The following PRSS36 variants were observed in gnomAD, a reference collection of about 807,000 sequenced individuals.
PRSS36 encodes the protein serine protease 36.
In PRSS36, 90 loss-of-function variants were observed where a neutral mutation model predicts 94.3. The observed-to-expected ratio is 0.95, with a 90% confidence interval of 0.80 to 1.14. The LOEUF is 1.14. Ranked by LOEUF, PRSS36 falls within the 50% of genes most tolerant of loss-of-function variation. The pLI is 0.00. For missense variants in PRSS36, 1,158 were observed against 1,135.0 expected, an observed-to-expected ratio of 1.02 and a Z score of -0.29; for synonymous variants, 500 against 489.6, an observed-to-expected ratio of 1.02 and a Z score of -0.28.
Position 31,140,764 on chromosome 16 carries a change from GAAC to G in PRSS36, c.1902-10_1902-8del, listed in dbSNP as rs1218260484. On this transcript the variant is annotated splice_region_variant and splice_polypyrimidine_tract_variant and intron_variant, in intron 12 of 14. Transcript: ENST00000268281. Reference sequence around the variant, plus strand: ...CACTGTTGTAGAGCCTGGCCTGTTGGAACAAGGTCCAATGTCACCTTCTGCTCC... The same window carrying G: ...CACTGTTGTAGAGCCTGGCCTGTTGGAAGGTCCAATGTCACCTTCTGCTCC... The G allele has an allele frequency of 6.2e-7, 1 of 1,613,284 alleles. No individual in the cohort carries two copies. Among genetic ancestry groups the G allele is most frequent in the African/African-American group, 1.3e-5 (1 of 74,896 alleles).
chr16:31,148,651 G>A lies in PRSS36; in HGVS notation c.297C>T (p.Ala99=), dbSNP rs1370483641. Residue 99 remains alanine (A), a synonymous_variant, in exon 5 of 15, where the codon GCC becomes GCT. Transcript: ENST00000268281. ...FMTNGTLEPA[A]EWSVLLGVHS... is the part of the protein sequence containing the mutation. ...GCACGCCCAGCAGTACCGACCACTC[G>A]GCCGCGGGCTCCAGCGTCCCATTCC... 6.2e-7 allele frequency: 1 copy of A among 1,612,530 alleles called. No homozygotes were observed.
At position 31,139,381 on chromosome 16, in the gene PRSS36, C is replaced by A. The variant is rs373502698; in HGVS notation, c.2325G>T (p.Thr775=). 3.1e-6 allele frequency: 5 copies of A among 1,613,966 alleles called. No individual in the cohort carries two copies. The highest frequency in any genetic ancestry group is 4.2e-6 in the Non-Finnish European group (5 of 1,179,998). The change falls in exon 15 of 15, where the codon ACG becomes ACT. Residue 775 remains threonine, a synonymous_variant. Coordinates refer to ENST00000268281, the MANE Select transcript of PRSS36 (RefSeq NM_173502.5). The stretch of plus-strand genomic sequence containing the variant: ...TGCCCACGAGGATCCAGGACCCTTC[C>A]GTCATCTGGCACAGGAGGGGCGGTG... ...TSAPPLLCQM[T]EGSWILVGMA...
At position 31,139,494 on chromosome 16, in the gene PRSS36, A is replaced by AC. The variant is rs918906387; in HGVS notation, c.2290-79dup. 4.6e-6 allele frequency: 7 copies of AC among 1,522,220 alleles called. No individual in the cohort carries two copies. The African/African-American group carries it at 6.9e-5, about 15-fold the overall frequency. 94.3% of individuals were successfully genotyped at this position (1,522,220 alleles called of 1,614,324 possible). ...CTCCCCCTTTCCCCAGGGTCTGGCC[A>AC]CGAAGCACTCTGGTCTGCATCCCTA... On this transcript the variant is annotated intron_variant, in intron 14 of 14. Transcript: ENST00000268281.
intron 14 of PRSS36, 120 bp from the exon 15 acceptor site, chr16:31,139,536 G>A (rs2057648342): frequency 4.0e-6 from 5 of 1,238,640 alleles, no homozygotes; most frequent in Middle Eastern, 2.7e-4. Flanking sequence ...CAGGTCCCTG[G>A]TTTCTCTCCC....
Position 31,147,589 on chromosome 16 carries a change from A to G in PRSS36, c.553+806T>C, listed in dbSNP as rs115018764. Among the ~76,000 whole-genome samples, 340 of 152,278 alleles carry G rather than the reference A, an allele frequency of 2.2e-3. 2 individuals are homozygous for G. Among genetic ancestry groups the G allele is most frequent in the African/African-American group, 7.8e-3 (324 of 41,552 alleles). The stretch of plus-strand genomic sequence containing the variant: ...GGTCTATTCCCCCCCACCTTCTAAC[A>G]TAATGCGTGCTTATTTATTGAATTT... On this transcript the variant is annotated intron_variant, in intron 5 of 14. Transcript: ENST00000268281.
rs372126951 is a variant in PRSS36, at chr16:31,149,943, C to T, written c.37+56G>A. 84 of 1,593,080 alleles carry T rather than the reference C, an allele frequency of 5.3e-5. 1 individual carries two copies. Among genetic ancestry groups the T allele is most frequent in the Non-Finnish European group, 6.8e-5 (79 of 1,165,266 alleles). ...AGAAACCAGGAATCCTGCTCTCCAGCCCCCCAGATGCCAGGACCCAGGCCC... is the reference window on the plus strand; with the variant it reads ...AGAAACCAGGAATCCTGCTCTCCAGTCCCCCAGATGCCAGGACCCAGGCCC... On this transcript the variant is annotated intron_variant, in intron 1 of 14. Coordinates refer to ENST00000268281, the MANE Select transcript of PRSS36 (RefSeq NM_173502.5).
At position 31,141,883 on chromosome 16, in the gene PRSS36, G is replaced by A. The variant is rs1029483726; in HGVS notation, c.1599C>T (p.Gly533=). Residue 533 remains glycine (G), a synonymous_variant, in exon 11 of 15, where the codon GGC becomes GGT. Coordinates refer to ENST00000268281, the MANE Select transcript of PRSS36 (RefSeq NM_173502.5). ...FLAGIRDFPS[G]CLRPRAFFPL... The stretch of plus-strand genomic sequence containing the variant: ...GGAAGAAGGCTCGGGGACGTAGACA[G>A]CCACTGGGAAAGTCTCTGATTCCAG... 6.2e-7 allele frequency: 1 copy of A among 1,614,048 alleles called. No individual in the cohort carries two copies. The highest frequency in any genetic ancestry group is 1.3e-5 in the African/African-American group (1 of 74,920).
Position 31,139,261 on chromosome 16 carries a change from G to C in PRSS36, c.2445C>G (p.Pro815=). 1 of 1,614,134 alleles carries C rather than the reference G, an allele frequency of 6.2e-7. No homozygotes were observed. The highest frequency in any genetic ancestry group is 8.5e-7 in the Non-Finnish European group (1 of 1,179,992). ...QTVGEANFLP[P]SGSPHWPTGG... is the part of the protein sequence containing the mutation. ...CAGTGGGCCAGTGTGGGGAGCCACT[G>C]GGGGGCAGGAAGTTGGCCTCTCCCA... Residue 815 remains proline (P), a synonymous_variant, in exon 15 of 15, where the codon CCC becomes CCG. Coordinates refer to ENST00000268281, the MANE Select transcript of PRSS36 (RefSeq NM_173502.5).
At chr16:31,147,716 T>C (rs1349871980) in intron 5 of PRSS36, among the ~76,000 whole-genome samples, 1 of 152,066 alleles carries the variant, frequency 6.6e-6, no homozygotes, top group Non-Finnish European at 1.5e-5. Context: ...GCCTGGCATG[T>C]AGAAGGTGCT....
intron 1 of PRSS36, 22 bp downstream of exon 1, chr16:31,149,977 C>T: frequency 6.2e-7 from 1 of 1,613,044 alleles, no homozygotes; most frequent in Non-Finnish European, 8.5e-7. Context: ...CCTTTGCAGC[C>T]ACTCTTGTCC....
At chr16:31,149,272 G>T (rs1430280987) in intron 3 of PRSS36, 37 bp from the exon 4 acceptor site, 1 of 1,527,164 alleles carries the variant, frequency 6.5e-7, no homozygotes, top group Admixed American at 2.1e-5. Context: ...AGCTCCCCTC[G>T]GGTTCCCCAC....
intron 6 of PRSS36, among the ~76,000 whole-genome samples, chr16:31,145,425 A>G (rs1426993634): frequency 6.6e-6 from 1 of 151,352 alleles, no homozygotes; most frequent in Non-Finnish European, 1.5e-5. Flanking sequence ...AATTAAATAA[A>G]TAAATAAATA....
intron 3 of PRSS36, 104 bp from the exon 4 acceptor site, chr16:31,149,339 C>G: frequency 6.6e-7 from 1 of 1,522,164 alleles, no homozygotes; most frequent in Non-Finnish European, 8.9e-7. Flanking sequence ...TTCAGTTTGC[C>G]CCTCTGAACA....
chr16:31,142,126 A>C (rs1567445979), intron 10 of PRSS36, among the ~76,000 whole-genome samples, 166 bp from the exon 11 acceptor site: 1 of 152,152 alleles, frequency 6.6e-6, no homozygotes, highest in Non-Finnish European at 1.5e-5. Context: ...TTCAGCCCTC[A>C]CTTTAAGATT....
intron 4 of PRSS36, 114 bp downstream of exon 4, chr16:31,148,959 A>G (rs2057849262): frequency 1.6e-6 from 2 of 1,239,606 alleles, no homozygotes; most frequent in Non-Finnish European, 1.1e-6. Flanking sequence ...CTTTGGGGAC[A>G]GCTTGGCTCC....
intron 5 of PRSS36, among the ~76,000 whole-genome samples, chr16:31,147,234 T>C (rs2057811372): frequency 6.6e-6 from 1 of 152,112 alleles, no homozygotes; most frequent in Admixed American, 6.6e-5. Context: ...ATGACTTATC[T>C]GGGTCCACAG....
chr16:31,148,572 C>T lies in PRSS36; in HGVS notation c.376G>A (p.Val126Met), dbSNP rs1328790557. The T allele has an allele frequency of 6.2e-7, 1 of 1,609,054 alleles. No homozygotes were observed. The highest frequency in any genetic ancestry group is 8.5e-7 in the Non-Finnish European group (1 of 1,178,494). ...ACTTGGCTGTAGTTGGCCGGCACCA[C>T]GATGGCGGCCACTGCGCGGGTGTGC... is the stretch of plus-strand genomic sequence containing the variant. The part of the protein sequence containing the change: ...GAHTRAVAAI[V>M]VPANYSQVEL... Residue 126 changes from valine to methionine, a missense_variant, in exon 5 of 15, where the codon GTG becomes ATG. By Grantham distance (21) the Val-to-Met change is conservative. Coordinates refer to ENST00000268281, the MANE Select transcript of PRSS36 (RefSeq NM_173502.5).
rs1250220278 is a variant in PRSS36 at position 31,148,410 on chromosome 16, C to T, written c.538G>A (p.Asp180Asn). 6.4e-6 allele frequency: 10 copies of T among 1,569,562 alleles called. No individual in the cohort carries two copies. The highest frequency in any genetic ancestry group is 2.2e-4 in the Middle Eastern group (1 of 4,482). Reference protein sequence around the residue: ...GTACWATGWGDVQEADPLPLP... With the variant: ...GTACWATGWGNVQEADPLPLP... ...TCCCACTCACCTGCCTCCTGGACGT[C>T]TCCCCAGCCGGTGGCCCAGCAGGCG... Residue 180 changes from aspartate (D) to asparagine (N), a missense_variant, in exon 5 of 15, where the codon GAC becomes AAC. By Grantham distance (23) the Asp-to-Asn change is conservative (BLOSUM62 1). Coordinates refer to ENST00000268281, the MANE Select transcript of PRSS36 (RefSeq NM_173502.5).
chr16:31,144,816 G>T (rs988365273), intron 6 of PRSS36, among the ~76,000 whole-genome samples: 7 of 152,164 alleles, frequency 4.6e-5, no homozygotes, highest in Non-Finnish European at 1.0e-4. Flanking sequence ...AGCTGGGCAT[G>T]GTGGCTCACG....
Sources: gnomAD v4.1 joint callset for allele counts (sites outside exome capture counted in the v4.1 genomes callset) on GRCh38, gnomAD v4.1.1 for gene constraint, MANE v1.5 for transcripts, NCBI Gene and HGNC (gene_info 2026-07-23, HGNC 2026-07-21) for gene names.